SLC15A1: variants seen among roughly 807,000 people sequenced by gnomAD.
SLC15A1 encodes Caco-2 oligopeptide transporter.
SLC15A1 carries 83 observed loss-of-function variants against 92.9 expected under a neutral mutation model. The ratio of observed to expected loss-of-function variants is 0.89; its 90% CI spans 0.75 to 1.07. SLC15A1 has a LOEUF of 1.07. Ranked by LOEUF, SLC15A1 falls within the 50% of genes least tolerant of loss-of-function variation. The pLI is 0.00. For synonymous variants in SLC15A1, 322 were observed against 318.2 expected, an observed-to-expected ratio of 1.01 and a Z score of -0.13; for missense variants, 857 against 880.1, an observed-to-expected ratio of 0.97 and a Z score of 0.33.
intron 21 of SLC15A1, 99 bp from the exon 22 acceptor site, chr13:98,686,396 AC>A: frequency 1.3e-6 from 1 of 776,950 alleles, no homozygotes; most frequent in Non-Finnish European, 2.2e-6. Flanking sequence ...GATCACCCTA[AC>A]AATGCACACG....
At chr13:98,712,637 G>T in intron 9 of SLC15A1, 53 bp from the exon 10 acceptor site, 2 of 1,331,362 alleles carry the variant, frequency 1.5e-6, no homozygotes, top group Non-Finnish European at 2.1e-6. Context: ...AACTTTGTCA[G>T]GGAAGCACAT....
intron 1 of SLC15A1, among the ~76,000 whole-genome samples, chr13:98,730,109 T>C (rs1336949688): frequency 6.6e-6 from 1 of 151,330 alleles, no homozygotes; most frequent in East Asian, 2.0e-4. Flanking sequence ...GGCAGAAGAA[T>C]CGCTTGAGCT....
chr13:98,695,989 T>C (rs2088017712), intron 18 of SLC15A1, among the ~76,000 whole-genome samples: 1 of 152,026 alleles, frequency 6.6e-6, no homozygotes, highest in Non-Finnish European at 1.5e-5. Flanking sequence ...AAAGATTTGA[T>C]GTTACCAATT....
intron 18 of SLC15A1, among the ~76,000 whole-genome samples, chr13:98,698,784 T>G (rs2088043717): frequency 6.6e-6 from 1 of 152,180 alleles, no homozygotes; most frequent in Admixed American, 6.5e-5. Flanking sequence ...CTTAATATAT[T>G]TTTTGTATAC....
intron 1 of SLC15A1, 92 bp from the exon 2 acceptor site, chr13:98,726,951 G>T: frequency 8.0e-7 from 1 of 1,251,858 alleles, no homozygotes; most frequent in Non-Finnish European, 1.2e-6. Context: ...TTTTAGGGTG[G>T]TCAGAGGGGC....
At chr13:98,745,864 T>C (rs1404669355) in intron 1 of SLC15A1, among the ~76,000 whole-genome samples, 3 of 151,926 alleles carry the variant, frequency 2.0e-5, no homozygotes, top group Admixed American at 1.3e-4. Flanking sequence ...TTTTAACTTG[T>C]AACATTATTT....
In SLC15A1 at chr13:98,725,343, GTCCCAGGAAAACTT is replaced by G. The variant is rs530087965; in HGVS notation, c.245+766_245+779del. Among the ~76,000 whole-genome samples the G allele has an allele frequency of 1.5e-4, 23 of 152,218 alleles. No individual in the cohort carries two copies. In the South Asian group the frequency reaches 4.6e-3, roughly 30 times the overall value. Reference sequence around the variant, plus strand: ...GAGCCTCTACTTCCTTCTTCATTAAGTCCCAGGAAAACTTTCCTGACAACATCCCACTGGGTGTG... The same window carrying G: ...GAGCCTCTACTTCCTTCTTCATTAAGTCCTGACAACATCCCACTGGGTGTG... On this transcript the variant is annotated intron_variant, in intron 4 of 22. Transcript: ENST00000376503.
At chr13:98,714,842 T>C (rs527876967) in intron 9 of SLC15A1, among the ~76,000 whole-genome samples, 10 of 151,938 alleles carry the variant, frequency 6.6e-5, no homozygotes, top group South Asian at 6.3e-4. Context: ...GTATGTTCAC[T>C]AAAAAAATGG....
At chr13:98,696,432 A>AAC (rs2088022164) in intron 18 of SLC15A1, among the ~76,000 whole-genome samples, 2 of 142,730 alleles carry the variant, frequency 1.4e-5, no homozygotes, top group South Asian at 5.0e-4. Context: ...CAACAACAAC[A>AAC]AAAAAAAACC....
At chr13:98,686,008 A>G (rs2087925924) in intron 22 of SLC15A1, among the ~76,000 whole-genome samples, 182 bp downstream of exon 22, 1 of 151,988 alleles carries the variant, frequency 6.6e-6, no homozygotes, top group African/African-American at 2.4e-5. Context: ...AAGAAGAAGA[A>G]GAAGAAACAG....
intron 18 of SLC15A1, among the ~76,000 whole-genome samples, chr13:98,694,375 A>G (rs930472719): frequency 3.3e-5 from 5 of 152,242 alleles, no homozygotes; most frequent in African/African-American, 7.2e-5. Context: ...GAATAAAAAT[A>G]TTTGTAAAAT....
chr13:98,730,278 AGGG>A (rs2088339248), intron 1 of SLC15A1, among the ~76,000 whole-genome samples: 1 of 3,664 alleles, frequency 2.7e-4, no homozygotes, highest in African/African-American at 1.1e-3. Context: ...GGGGAGGGGA[AGGG>A]GAGGGGAAGG....
chr13:98,686,182 C>G lies in SLC15A1; in HGVS notation c.1935+8G>C, dbSNP rs375028756. The G allele has an allele frequency of 6.2e-7, 1 of 1,602,470 alleles. No individual in the cohort carries two copies. The highest frequency in any genetic ancestry group is 1.1e-5 in the South Asian group (1 of 90,446). On this transcript the variant is annotated splice_region_variant and intron_variant, in intron 22 of 22. Coordinates refer to ENST00000376503, the MANE Select transcript of SLC15A1 (RefSeq NM_005073.4). ...GAGGTATGTGCAATCTCCTCTCCCA[C>G]GCCATACCTGTTTGCTGAACTGGCC... is the stretch of plus-strand genomic sequence containing the variant.
At chr13:98,699,104 C>T (rs76389160) in intron 18 of SLC15A1, among the ~76,000 whole-genome samples, 3,049 of 152,326 alleles carry the variant, frequency 0.02, 47 homozygotes, top group Middle Eastern at 0.054. Context: ...AACCTTTCCT[C>T]CACTCCTAAC....
intron 1 of SLC15A1, among the ~76,000 whole-genome samples, chr13:98,728,235 T>C (rs921705496): frequency 6.6e-6 from 1 of 152,256 alleles, no homozygotes; most frequent in Non-Finnish European, 1.5e-5. Flanking sequence ...TCTGTTTCCA[T>C]GCTGATTTGG....
In SLC15A1 at chr13:98,708,722, G is replaced by A. The variant is rs1459723310; in HGVS notation, c.1113C>T (p.Ala371=). 2 of 1,613,456 alleles carry A rather than the reference G, an allele frequency of 1.2e-6. No homozygotes were observed. Among genetic ancestry groups the A allele is most frequent in the South Asian group, 1.1e-5 (1 of 90,942 alleles). The change falls in exon 15 of 23, where the codon GCC becomes GCT. Residue 371 remains alanine, a synonymous_variant. Transcript: ENST00000376503. ...MAVGMVLASM[A]FVVAAIVQVE... is the part of the protein sequence containing the mutation. ...CCTGCACGATGGCAGCCACCACAAA[G>A]GCCATGGAGGCCAGGACCATGCCAA...
intron 18 of SLC15A1, among the ~76,000 whole-genome samples, chr13:98,690,348 G>A (rs76362133): frequency 0.017 from 2,539 of 151,800 alleles, 88 homozygotes; most frequent in African/African-American, 0.056. Context: ...TGATTAATAT[G>A]GAAAATGGAA....
intron 7 of SLC15A1, chr13:98,720,820 G>T (rs949823726): frequency 3.3e-6 from 1 of 299,452 alleles, no homozygotes; most frequent in African/African-American, 2.2e-5. Context: ...GGAGGCCAAG[G>T]CAGGCAGATC....
intron 18 of SLC15A1, among the ~76,000 whole-genome samples, chr13:98,701,525 G>C (rs2088066813): frequency 6.6e-6 from 1 of 151,698 alleles, no homozygotes; most frequent in Non-Finnish European, 1.5e-5. Context: ...TTTGAGACAA[G>C]GTCTCATTCT....
Sources: allele counts gnomAD v4.1 joint callset (sites outside exome capture counted in the v4.1 genomes callset), GRCh38; gene constraint gnomAD v4.1.1; transcripts MANE v1.5; gene names NCBI Gene and HGNC (gene_info 2026-07-23, HGNC 2026-07-21).